Variants in RIT1 observed in about 807,000 individuals in gnomAD.
The protein encoded by RIT1 is GTP-binding protein Rit1.
A neutral mutation model predicts 25.6 loss-of-function variants in RIT1; 6 were observed. The observed-to-expected ratio is 0.23, with a 90% CI of 0.13 to 0.46. The LOEUF (loss-of-function observed/expected upper bound fraction) is 0.46. Ranked by LOEUF, RIT1 falls within the 20% of genes least tolerant of loss-of-function variation. The probability of loss-of-function intolerance (pLI) is 0.99; values close to 1 mark genes in which losing one functional copy is unlikely to be tolerated. For missense variants in RIT1, 219 were observed against 284.4 expected (o/e 0.77, Z 1.65); for synonymous variants, 81 against 94.1 (o/e 0.86, Z 0.80).
At chr1:155,903,097 A>G (rs1673347293) in intron 5 of RIT1, among the ~76,000 whole-genome samples, 1 of 152,034 alleles carries the variant, frequency 6.6e-6, no homozygotes, top group African/African-American at 2.4e-5. Context: ...GGAGATCGAG[A>G]CCATCCTGGC....
intron 3 of RIT1, among the ~76,000 whole-genome samples, chr1:155,906,825 G>A (rs892117333): frequency 5.3e-5 from 8 of 151,418 alleles, no homozygotes; most frequent in Admixed American, 3.3e-4. Flanking sequence ...CAGAGTGGGT[G>A]AGGTACAGTG....
rs758393035 is a variant in RIT1 at position 155,904,488 on chromosome 1, G to A, written c.252C>T (p.Ala84=). The A allele has an allele frequency of 6.8e-6, 11 of 1,612,538 alleles. No individual in the cohort carries two copies. Among genetic ancestry groups the A allele is most frequent in the Non-Finnish European group, 9.3e-6 (11 of 1,178,794 alleles). ...LDTAGQAEFT[A]MRDQYMRAGE... ...CTGCCCTCATATACTGGTCCCGCAT[G>A]GCTGTAAACTCTGCCTAGAGGGAAA... The change falls in exon 5 of 6, where the codon GCC becomes GCT. Residue 84 remains alanine, a synonymous_variant. Coordinates refer to ENST00000368323, the MANE Select transcript of RIT1 (RefSeq NM_006912.6).
Position 155,911,318 on chromosome 1 carries a change from C to A in RIT1, c.-119G>T, listed in dbSNP as rs1210738385. On this transcript the variant is annotated 5_prime_UTR_variant, in exon 1 of 6. Transcript: ENST00000368323. ...CCACAGCCGGTCGGGTCACGCACTT[C>A]GTCTTCCTTCACTCGCGGAGGCTCC... 3 of 190,574 alleles carry A rather than the reference C, an allele frequency of 1.6e-5. No individual in the cohort carries two copies. The highest frequency in any genetic ancestry group is 3.3e-5 in the Non-Finnish European group (3 of 90,688). The allele number at this position is 190,574 out of a possible 1,614,324, so 11.8% of individuals were successfully genotyped here. A position where few individuals can be genotyped will look rare whatever the true frequency, so the allele number is the denominator to read the frequency against.
In RIT1 at chr1:155,904,717, C is replaced by G. The variant is rs772575179; in HGVS notation, c.237+14G>C. 1.4e-5 allele frequency: 23 copies of G among 1,592,136 alleles called. No individual in the cohort carries two copies. In the East Asian group the frequency reaches 4.9e-4, roughly 34 times the overall value. On this transcript the variant is annotated intron_variant, in intron 4 of 5. Coordinates refer to ENST00000368323, the MANE Select transcript of RIT1 (RefSeq NM_006912.6). ...TAAAAAAGCCTTTACTCATAACATT[C>G]TGGGATTTAATACCTGTCCAGCTGT... is the stretch of plus-strand genomic sequence containing the variant.
intron 3 of RIT1, among the ~76,000 whole-genome samples, chr1:155,906,779 A>AG (rs35450795): frequency 0.74 from 91,170 of 123,458 alleles, 35,342 homozygotes; most frequent in East Asian, 0.9. Context: ...AAAAAAAAAA[A>AG]AAAAAGAAAA....
At chr1:155,908,563 T>TC (rs1673503823) in intron 3 of RIT1, among the ~76,000 whole-genome samples, 1 of 122,862 alleles carries the variant, frequency 8.1e-6, no homozygotes, top group African/African-American at 2.9e-5. Flanking sequence ...CTCTGAACAA[T>TC]TTTTTTTTTT....
chr1:155,904,394 G>A lies in RIT1; in HGVS notation c.346C>T (p.Gln116Ter). 1 of 1,614,074 alleles carries A rather than the reference G, an allele frequency of 6.2e-7. No homozygotes were observed. Among genetic ancestry groups the A allele is most frequent in the Non-Finnish European group, 8.5e-7 (1 of 1,179,938 alleles). ...RSFHEVREFKQLIYRVRRTDD... is the reference protein window; with the variant it reads ...RSFHEVREFK ...GTACGTCGGACTCGATAAATAAGCT[G>A]TTTAAACTCACGAACTTCATGGAAA... The change falls in exon 5 of 6, where the codon CAG (glutamine) becomes TAG (stop). Residue 116 changes from glutamine (Q) to a stop codon, truncating the protein, a stop_gained. Transcript: ENST00000368323. LOFTEE classifies it high-confidence loss of function.
At chr1:155,909,765 T>C (rs1228535506) in intron 3 of RIT1, among the ~76,000 whole-genome samples, 3 of 150,942 alleles carry the variant, frequency 2.0e-5, no homozygotes, top group Admixed American at 2.0e-4. Context: ...CTACTAAAAA[T>C]ACAAAAATTA....
chr1:155,902,000 C>T (rs751291579), intron 5 of RIT1, among the ~76,000 whole-genome samples: 8 of 152,028 alleles, frequency 5.3e-5, no homozygotes, highest in Non-Finnish European at 8.8e-5. Flanking sequence ...AACTGATCAC[C>T]GGGATTGCAA....
At position 155,904,295 on chromosome 1, in the gene RIT1, T is replaced by C; in HGVS notation, c.429+16A>G. 1.3e-6 allele frequency: 2 copies of C among 1,563,738 alleles called. No homozygotes were observed. The highest frequency in any genetic ancestry group is 1.8e-6 in the Non-Finnish European group (2 of 1,135,502). On this transcript the variant is annotated intron_variant, in intron 5 of 5. Coordinates refer to ENST00000368323, the MANE Select transcript of RIT1 (RefSeq NM_006912.6). Reference sequence around the variant, plus strand: ...TTGTATAAGATTATAGACAGTATTTTCTTCTCTATCCTCACCTGTCTTAGC... The same window carrying C: ...TTGTATAAGATTATAGACAGTATTTCCTTCTCTATCCTCACCTGTCTTAGC...
Position 155,911,241 on chromosome 1 carries a change from A to C in RIT1, c.-44+2T>G, listed in dbSNP as rs1029465304. On this transcript the variant is annotated splice_donor_variant, in intron 1 of 5. Coordinates refer to ENST00000368323, the MANE Select transcript of RIT1 (RefSeq NM_006912.6). LOFTEE classifies it low-confidence loss of function (5UTR_SPLICE). ...CCGCCGCCAGACTCCCCACCCCTCT[A>C]CCTCACAAGCCGACGCCCTGCTGCT... 6.6e-6 allele frequency: 2 copies of C among 303,134 alleles called. No homozygotes were observed. Among genetic ancestry groups the C allele is most frequent in the Non-Finnish European group, 1.2e-5 (2 of 172,620 alleles). 18.8% of individuals were successfully genotyped at this position (303,134 alleles called of 1,614,324 possible). A position where few individuals can be genotyped will look rare whatever the true frequency, so the allele number is the denominator to read the frequency against.
intron 3 of RIT1, among the ~76,000 whole-genome samples, chr1:155,908,048 T>C (rs1160312938): frequency 6.9e-6 from 1 of 144,868 alleles, no homozygotes; most frequent in Non-Finnish European, 1.5e-5. Flanking sequence ...GCCGAGATCA[T>C]GCCACTGCAC....
intron 4 of RIT1, 87 bp from the exon 5 acceptor site, chr1:155,904,589 CG>C (rs767088767): frequency 7.6e-7 from 1 of 1,316,788 alleles, no homozygotes; most frequent in Admixed American, 1.9e-5. Flanking sequence ...TTAAAGAAAA[CG>C]CATGTCGATT....
chr1:155,910,782 C>G lies in RIT1; in HGVS notation c.-21G>C, dbSNP rs493446. On this transcript the variant is annotated 5_prime_UTR_variant, in exon 2 of 6. Transcript: ENST00000368323. ...TCCATTGTCCTCTTGGGGCCTTCCT[C>G]GGTTGCCCCGAGGAAAAGCCACCTA... is the stretch of plus-strand genomic sequence containing the variant. The G allele has an allele frequency of 0.9, 1,455,701 of 1,614,048 alleles. 662,549 individuals are homozygous for G. The highest frequency in any genetic ancestry group is 0.94 in the East Asian group (42,367 of 44,874).
Position 155,900,394 on chromosome 1 carries a change from T to A in RIT1, c.654A>T (p.Val218=), listed in dbSNP as rs1324816011. The A allele has an allele frequency of 1.2e-6, 2 of 1,612,466 alleles. No homozygotes were observed. The highest frequency in any genetic ancestry group is 2.7e-5 in the African/African-American group (2 of 74,846). Residue 218 remains valine, a synonymous_variant, in exon 6 of 6, where the codon GTA becomes GTT. Coordinates refer to ENST00000368323, the MANE Select transcript of RIT1 (RefSeq NM_006912.6). ...AACACTTCACATCTTCTCTTCAAGT[T>A]ACTGAATCTTTCTTCTTCCGGAATG... ...KSPFRKKKDS[V]T is the part of the protein sequence containing the mutation.
intron 5 of RIT1, among the ~76,000 whole-genome samples, chr1:155,901,531 G>A (rs368276077): frequency 6.6e-6 from 1 of 152,068 alleles, no homozygotes; most frequent in East Asian, 1.9e-4. Context: ...CCAGTTACTC[G>A]TGAGGCTGAG....
rs943529967 is a variant in RIT1 at position 155,899,987 on chromosome 1, A to G, written c.*401T>C. On this transcript the variant is annotated 3_prime_UTR_variant, in exon 6 of 6. Transcript: ENST00000368323. ...AGGAAGCATAGTGTGAATAGAAGAG[A>G]CTGAGGTCTTTCTCTGGGATAGTCC... 62 of 247,690 alleles carry G rather than the reference A, an allele frequency of 2.5e-4. No homozygotes were observed. The Admixed American group carries it at 2.5e-3, about 10-fold the overall frequency. The allele number at this position is 247,690 out of a possible 1,614,324, so 15.3% of individuals were successfully genotyped here.
chr1:155,905,337 C>T (rs1262825426), intron 3 of RIT1, among the ~76,000 whole-genome samples: 1 of 152,076 alleles, frequency 6.6e-6, no homozygotes, highest in African/African-American at 2.4e-5. Flanking sequence ...GCTGGAACTA[C>T]AGGCGTGCTA....
rs1206873288 is a variant in RIT1 at position 155,904,359 on chromosome 1, T to G, written c.381A>C (p.Thr127=). The change falls in exon 5 of 6, where the codon ACA becomes ACC. Residue 127 remains threonine (T), a synonymous_variant. Coordinates refer to ENST00000368323, the MANE Select transcript of RIT1 (RefSeq NM_006912.6). ...LIYRVRRTDD[T]PVVLVGNKSD... is the part of the protein sequence containing the mutation. ...ACTTGTTTCCCACAAGAACCACAGG[T>G]GTATCGTCAGTACGTCGGACTCGAT... The G allele has an allele frequency of 1.1e-5, 18 of 1,614,022 alleles. No homozygotes were observed. The highest frequency in any genetic ancestry group is 1.4e-5 in the Non-Finnish European group (17 of 1,180,008).
Sources: gnomAD v4.1 joint callset for allele counts (sites outside exome capture counted in the v4.1 genomes callset) on GRCh38, gnomAD v4.1.1 for gene constraint, MANE v1.5 for transcripts, NCBI Gene and HGNC (gene_info 2026-07-23, HGNC 2026-07-21) for gene names.